WWOX: variants seen among roughly 807,000 people sequenced by gnomAD.
WWOX encodes WW domain containing oxidoreductase, also known as WW domain-containing oxidoreductase.
Under a neutral mutation model 46.2 loss-of-function variants are expected in WWOX, and 69 were observed. The observed-to-expected ratio is 1.49, with a 90% CI of 1.23 to 1.82. The LOEUF is 1.82. WWOX is among the 40% of genes most tolerant of loss of function. The pLI, the probability that WWOX is intolerant of heterozygous loss-of-function variation, is 0.00. For missense variants in WWOX, 919 were observed against 542.6 expected, an observed-to-expected ratio of 1.69 and a Z score of -6.89; for synonymous variants, 359 against 202.6, an observed-to-expected ratio of 1.77 and a Z score of -6.56.
At chr16:78,214,241 A>G (rs1006062561) in intron 5 of WWOX, among the ~76,000 whole-genome samples, 1 of 152,164 alleles carries the variant, frequency 6.6e-6, no homozygotes, top group African/African-American at 2.4e-5. Flanking sequence ...TGCTTTCAAG[A>G]TCAGACCGAG....
chr16:79,101,878 G>C (rs1053552700), intron 8 of WWOX: 4 of 151,506 alleles, frequency 2.6e-5, no homozygotes, highest in Non-Finnish European at 4.4e-5. Context: ...GTTTTGGAGA[G>C]AGTGGAAGGC....
chr16:78,327,469 A>C (rs980432907), intron 5 of WWOX, among the ~76,000 whole-genome samples: 3 of 152,136 alleles, frequency 2.0e-5, no homozygotes, highest in African/African-American at 7.2e-5. Context: ...TGGGCAGGAC[A>C]CAGAAGGCTT....
At chr16:78,871,362 C>G (rs1302059324) in intron 8 of WWOX, among the ~76,000 whole-genome samples, 3 of 152,150 alleles carry the variant, frequency 2.0e-5, no homozygotes, top group African/African-American at 7.2e-5. Context: ...GCCTCGATGC[C>G]TGGATTAAAG....
chr16:78,792,840 C>A (rs902406755), intron 8 of WWOX, among the ~76,000 whole-genome samples: 1 of 152,116 alleles, frequency 6.6e-6, no homozygotes, highest in African/African-American at 2.4e-5. Context: ...CACAGCTCTG[C>A]TCTCTGCTCA....
chr16:79,112,693 AATTT>A (rs1296665932), intron 8 of WWOX, among the ~76,000 whole-genome samples: 3 of 152,328 alleles, frequency 2.0e-5, no homozygotes, highest in African/African-American at 4.8e-5. Flanking sequence ...CATTTTCATT[AATTT>A]ATTCATAGTC....
At chr16:78,671,559 A>G (rs1432567520) in intron 8 of WWOX, among the ~76,000 whole-genome samples, 2 of 152,164 alleles carry the variant, frequency 1.3e-5, no homozygotes, top group African/African-American at 4.8e-5. Context: ...TCTAGTTTTT[A>G]TGATAACCTC....
intron 8 of WWOX, among the ~76,000 whole-genome samples, chr16:79,170,668 C>T (rs962725844): frequency 8.6e-6 from 1 of 116,702 alleles, no homozygotes; most frequent in Non-Finnish European, 1.8e-5. Flanking sequence ...AGAGTTACTT[C>T]TATTTTTTTT....
rs552904295 is a variant in WWOX, at chr16:78,797,304, T to C, written c.1056+364552T>C. 2.7e-5 allele frequency among the ~76,000 whole-genome samples: 4 copies of C among 145,482 alleles called. No individual in the cohort carries two copies. The East Asian group carries it at 8.0e-4, about 29-fold the overall frequency. On this transcript the variant is annotated intron_variant, in intron 8 of 8. Coordinates refer to ENST00000566780, the MANE Select transcript of WWOX (RefSeq NM_016373.4). ...AAATAAGAACACATAATTACAAGACTGTATTGTATAATCATGCAGGACACA... is the reference window on the plus strand; with the variant it reads ...AAATAAGAACACATAATTACAAGACCGTATTGTATAATCATGCAGGACACA...
rs1310231830 is a variant in WWOX, at chr16:78,349,903, T to G, written c.517-36957T>G. On this transcript the variant is annotated intron_variant, in intron 5 of 8. Coordinates refer to ENST00000566780, the MANE Select transcript of WWOX (RefSeq NM_016373.4). ...AGTCTCATTCCCCAGAAATAATCCC[T>G]GTTAACATTTCGGTTTGTGTTATGG... 4.9e-5 allele frequency among the ~76,000 whole-genome samples: 6 copies of G among 121,282 alleles called. 2 individuals carry two copies. The highest frequency in any genetic ancestry group is 1.1e-4 in the African/African-American group (4 of 35,792). 79.6% of individuals were successfully genotyped at this position (121,282 alleles called of 152,430 possible). A position where few individuals can be genotyped will look rare whatever the true frequency, so the allele number is the denominator to read the frequency against.
chr16:78,832,191 G>C lies in WWOX; in HGVS notation c.1057-379417G>C, dbSNP rs188488731. On this transcript the variant is annotated intron_variant, in intron 8 of 8. Transcript: ENST00000566780. The stretch of plus-strand genomic sequence containing the variant: ...CTCAGAATCCTTGACTGAAGGGGAG[G>C]TTTCGTGTCCAAGGGGCTCACTGAT... 2.7e-3 allele frequency among the ~76,000 whole-genome samples: 408 copies of C among 152,256 alleles called. 3 individuals are homozygous for C. Among genetic ancestry groups the C allele is most frequent in the African/African-American group, 9.5e-3 (395 of 41,568 alleles).
chr16:78,633,125 G>C (rs569606554), intron 8 of WWOX, among the ~76,000 whole-genome samples: 3 of 152,208 alleles, frequency 2.0e-5, no homozygotes, highest in Admixed American at 2.0e-4. Flanking sequence ...AGCCGGGTGT[G>C]GTGGCGTGTG....
chr16:78,622,443 G>T (rs1380643560), intron 8 of WWOX, among the ~76,000 whole-genome samples: 1 of 151,932 alleles, frequency 6.6e-6, no homozygotes, highest in South Asian at 2.1e-4. Context: ...ACAGGAGGCT[G>T]AGACTTAAGA....
chr16:78,236,380 T>C (rs77672687), intron 5 of WWOX, among the ~76,000 whole-genome samples: 41 of 152,336 alleles, frequency 2.7e-4, no homozygotes, highest in Admixed American at 1.2e-3. Context: ...TAGGTGTTTT[T>C]GTGATGATTT....
At chr16:79,019,258 G>A (rs968804902) in intron 8 of WWOX, among the ~76,000 whole-genome samples, 7 of 149,494 alleles carry the variant, frequency 4.7e-5, no homozygotes, top group African/African-American at 1.7e-4. Flanking sequence ...TCTGAGAAAT[G>A]CATGGTTAGG....
At chr16:78,690,380 G>A (rs552550079) in intron 8 of WWOX, among the ~76,000 whole-genome samples, 6 of 152,042 alleles carry the variant, frequency 3.9e-5, no homozygotes, top group Admixed American at 1.3e-4. Context: ...GTGAGACCCC[G>A]TATCTACAAA....
chr16:78,575,114 A>G (rs1597291372), intron 8 of WWOX, among the ~76,000 whole-genome samples: 1 of 89,856 alleles, frequency 1.1e-5, no homozygotes, highest in African/African-American at 3.7e-5. Context: ...TGTCATGGAA[A>G]GCCTTAAAGT....
intron 8 of WWOX, chr16:78,896,456 G>C (rs191213415): frequency 2.0e-5 from 3 of 152,258 alleles, no homozygotes; most frequent in Admixed American, 2.0e-4. Flanking sequence ...CCGCAAACTT[G>C]TGAGGCCAGC....
intron 8 of WWOX, 24 bp downstream of exon 8, chr16:78,432,776 G>T (rs763578418): frequency 3.0e-5 from 48 of 1,613,808 alleles, no homozygotes; most frequent in Non-Finnish European, 4.0e-5. Flanking sequence ...TTCTGGCGCC[G>T]CAAACACCTT....
At chr16:78,591,613 C>T (rs936726410) in intron 8 of WWOX, among the ~76,000 whole-genome samples, 6 of 152,148 alleles carry the variant, frequency 3.9e-5, no homozygotes, top group African/African-American at 9.7e-5. Context: ...TAACCTTAGA[C>T]GAGTTGCTTG....
Sources: gnomAD v4.1 joint callset for allele counts (sites outside exome capture counted in the v4.1 genomes callset) on GRCh38, gnomAD v4.1.1 for gene constraint, MANE v1.5 for transcripts, NCBI Gene and HGNC (gene_info 2026-07-23, HGNC 2026-07-21) for gene names.